The following NAV3 variants were observed in gnomAD, a reference collection of about 807,000 sequenced individuals.
NAV3 encodes neuron navigator 3, also known as pore membrane and/or filament interacting like protein 1.
In NAV3, 87 loss-of-function variants were observed where a neutral mutation model predicts 244.7. The ratio of observed to expected loss-of-function variants is 0.36; its 90% CI spans 0.30 to 0.42. The LOEUF (loss-of-function observed/expected upper bound fraction) is 0.42. Ranked by LOEUF, NAV3 falls within the 20% of genes least tolerant of loss-of-function variation. The pLI, the probability that NAV3 is intolerant of heterozygous loss-of-function variation, is 1.00. For missense variants in NAV3, 2,663 were observed against 2,893.3 expected (o/e 0.92, Z 1.83); for synonymous variants, 1,126 against 1,042.2 (o/e 1.08, Z -1.55).
intron 2 of NAV3, among the ~76,000 whole-genome samples, chr12:77,719,800 T>C (rs1876530026): frequency 6.6e-6 from 1 of 152,208 alleles, no homozygotes. Context: ...AGGGTAATAC[T>C]GGCTTCCTAA....
chr12:77,781,981 G>A (rs1870685276), intron 2 of NAV3, among the ~76,000 whole-genome samples: 1 of 152,174 alleles, frequency 6.6e-6, no homozygotes, highest in Non-Finnish European at 1.5e-5. Flanking sequence ...CACACTGAAT[G>A]AGAGCATTTA....
chr12:77,714,941 A>G (rs1876294663), intron 2 of NAV3, among the ~76,000 whole-genome samples: 3 of 152,250 alleles, frequency 2.0e-5, no homozygotes, highest in South Asian at 4.1e-4. Context: ...ACTTAAAAAT[A>G]TGATATTTAC....
chr12:77,904,307 T>A (rs563171814), intron 1 of NAV3, among the ~76,000 whole-genome samples: 17 of 152,220 alleles, frequency 1.1e-4, no homozygotes, highest in Non-Finnish European at 2.2e-4. Flanking sequence ...TGGAATACTA[T>A]GCAGCCATAA....
Position 77,612,351 on chromosome 12 carries a change from T to C in NAV3, c.72+40085T>C, listed in dbSNP as rs562441185. Among the ~76,000 whole-genome samples, 55 of 152,278 alleles carry C rather than the reference T, an allele frequency of 3.6e-4. No homozygotes were observed. In the South Asian group the frequency reaches 7.7e-3, roughly 21 times the overall value. Reference sequence around the variant, plus strand: ...AAGTGGAGATTAAATATTTGATCCATTGCTGGATAAATCTGTAATTTCCAG... The same window carrying C: ...AAGTGGAGATTAAATATTTGATCCACTGCTGGATAAATCTGTAATTTCCAG... On this transcript the variant is annotated intron_variant, in intron 2 of 8. Coordinates refer to the NAV3 transcript ENST00000550042.
chr12:78,087,305 A>G (rs1953688962), intron 12 of NAV3, among the ~76,000 whole-genome samples: 1 of 152,070 alleles, frequency 6.6e-6, no homozygotes, highest in African/African-American at 2.4e-5. Flanking sequence ...CTAATTCTAG[A>G]AAACAAACTT....
rs1475129331 is a variant in NAV3, at chr12:77,831,245, G to T, written c.-217G>T. On this transcript the variant is annotated 5_prime_UTR_variant, in exon 1 of 40. An upstream start codon of the reference 5' UTR is lost. Transcript: ENST00000397909. ...AGAGAGAGAGAGAGAGAATGAGAAT[G>T]AATATGAATCCCAGCCAGCAAGAAA... is the stretch of plus-strand genomic sequence containing the variant. 6.8e-6 allele frequency: 3 copies of T among 444,152 alleles called. No homozygotes were observed. The highest frequency in any genetic ancestry group is 1.2e-5 in the Non-Finnish European group (3 of 247,518). 27.5% of individuals were successfully genotyped at this position (444,152 alleles called of 1,614,324 possible). A position where few individuals can be genotyped will look rare whatever the true frequency, so the allele number is the denominator to read the frequency against.
At chr12:77,840,860 G>C (rs1254480341) in intron 1 of NAV3, among the ~76,000 whole-genome samples, 1 of 152,164 alleles carries the variant, frequency 6.6e-6, no homozygotes, top group Non-Finnish European at 1.5e-5. Flanking sequence ...TCACAACAAT[G>C]TATAGACAAT....
chr12:78,111,753 G>T (rs923164899), intron 12 of NAV3, among the ~76,000 whole-genome samples: 3 of 151,996 alleles, frequency 2.0e-5, no homozygotes, highest in Admixed American at 6.6e-5. Flanking sequence ...TCTGTGGGTT[G>T]TCTTCTCATT....
At chr12:77,696,443 A>C (rs879324014) in intron 2 of NAV3, among the ~76,000 whole-genome samples, 2 of 152,104 alleles carry the variant, frequency 1.3e-5, no homozygotes, top group Admixed American at 1.3e-4. Context: ...CAAATAACTG[A>C]ATTTTGCCAA....
At chr12:77,691,779 C>T (rs55688867) in intron 2 of NAV3, among the ~76,000 whole-genome samples, 15,294 of 151,676 alleles carry the variant, frequency 0.1, 2,146 homozygotes, top group African/African-American at 0.32. Flanking sequence ...TAATGATATA[C>T]TATTTACATA....
chr12:77,944,395 C>T (rs1345222603), intron 3 of NAV3, among the ~76,000 whole-genome samples: 1 of 152,008 alleles, frequency 6.6e-6, no homozygotes, highest in Non-Finnish European at 1.5e-5. Context: ...GTACAGGGAG[C>T]TTAAAATGGC....
intron 1 of NAV3, among the ~76,000 whole-genome samples, chr12:77,868,423 A>G (rs1418645869): frequency 6.6e-6 from 1 of 152,186 alleles, no homozygotes. Flanking sequence ...AAAGAAAAAT[A>G]GATGATTCCC....
At chr12:78,126,385 C>T (rs920575768) in intron 16 of NAV3, among the ~76,000 whole-genome samples, 10 of 152,172 alleles carry the variant, frequency 6.6e-5, no homozygotes, top group African/African-American at 1.9e-4. Flanking sequence ...CTTTGCTTAT[C>T]CACATGCCAG....
intron 3 of NAV3, among the ~76,000 whole-genome samples, chr12:77,951,365 A>G (rs1158892896): frequency 9.2e-5 from 14 of 152,354 alleles, no homozygotes; most frequent in African/African-American, 3.4e-4. Context: ...CAAAACCGCA[A>G]TGAGATACCA....
At chr12:77,801,534 G>C (rs577369918) in intron 2 of NAV3, among the ~76,000 whole-genome samples, 17 of 152,144 alleles carry the variant, frequency 1.1e-4, no homozygotes, top group Non-Finnish European at 2.2e-4. Flanking sequence ...CAAATTTTCA[G>C]AGATGTGCAA....
At chr12:77,625,444 T>G (rs926299670) in intron 2 of NAV3, among the ~76,000 whole-genome samples, 26 of 152,104 alleles carry the variant, frequency 1.7e-4, no homozygotes, top group African/African-American at 6.0e-4. Context: ...GGTGTGGATT[T>G]AAGGCTCGAG....
At chr12:78,046,298 T>C (rs1421797969) in intron 9 of NAV3, among the ~76,000 whole-genome samples, 1 of 152,224 alleles carries the variant, frequency 6.6e-6, no homozygotes, top group Non-Finnish European at 1.5e-5. Flanking sequence ...CTCTTGCTTC[T>C]CTAGTTCTTT....
intron 11 of NAV3, among the ~76,000 whole-genome samples, chr12:78,054,172 A>G (rs1353254434): frequency 1.3e-5 from 2 of 152,230 alleles, no homozygotes; most frequent in Non-Finnish European, 2.9e-5. Flanking sequence ...TTCTGATTTA[A>G]GAGCTATAGA....
At chr12:77,593,296 G>A (rs1220220685) in intron 2 of NAV3, among the ~76,000 whole-genome samples, 1 of 151,868 alleles carries the variant, frequency 6.6e-6, no homozygotes, top group Admixed American at 6.6e-5. Flanking sequence ...GTGTGTGTGT[G>A]TGTGTGTATT....
Sources: allele counts gnomAD v4.1 joint callset (sites outside exome capture counted in the v4.1 genomes callset), GRCh38; gene constraint gnomAD v4.1.1; transcripts MANE v1.5; gene names NCBI Gene and HGNC (gene_info 2026-07-23, HGNC 2026-07-21).